FIRRM: variants seen among roughly 807,000 people sequenced by gnomAD.
FIRRM encodes FIGNL1-interacting regulator of recombination and mitosis.
the FIRRM span, chr1:169,852,080 T>C: frequency 8.8e-7 from 1 of 1,132,100 alleles, no homozygotes; most frequent in Non-Finnish European, 1.3e-6. Flanking sequence ...TTCTGTTTTA[T>C]GGTAGTTGCT....
the FIRRM span, among the ~76,000 whole-genome samples, chr1:169,791,880 ACT>A: frequency 3.3e-5 from 5 of 152,204 alleles, no homozygotes; most frequent in African/African-American, 1.2e-4. Flanking sequence ...TCAACAAAAC[ACT>A]TTCTCCTTTC....
the FIRRM span, among the ~76,000 whole-genome samples, chr1:169,791,013 T>C: frequency 6.6e-6 from 1 of 152,184 alleles, no homozygotes. Context: ...GCTAGATCCC[T>C]CACACATGCA....
chr1:169,822,094 T>C, the FIRRM span, among the ~76,000 whole-genome samples: 5 of 152,196 alleles, frequency 3.3e-5, no homozygotes, highest in Non-Finnish European at 7.3e-5. Flanking sequence ...AAACTTTGCT[T>C]CCCTACACAC....
At chr1:169,794,650 G>C in the FIRRM span, 2 of 162,348 alleles carry the variant, frequency 1.2e-5, no homozygotes, top group African/African-American at 4.8e-5. Context: ...GGGAGAGGCG[G>C]GTCACCCAGT....
At chr1:169,847,668 TC>T in the FIRRM span, 2 of 1,499,490 alleles carry the variant, frequency 1.3e-6, no homozygotes, top group Non-Finnish European at 1.9e-6. Flanking sequence ...TTATAACTGT[TC>T]TTTGGTCTTC....
chr1:169,807,648 G>A, the FIRRM span: 45 of 643,928 alleles, frequency 7.0e-5, no homozygotes, highest in African/African-American at 7.9e-4. Flanking sequence ...AGGTAAACTG[G>A]GCACATCTTA....
chr1:169,786,965 G>A, the FIRRM span, among the ~76,000 whole-genome samples: 1 of 152,188 alleles, frequency 6.6e-6, no homozygotes, highest in Non-Finnish European at 1.5e-5. Context: ...CCTGCTGGAG[G>A]TTTGAGAGCA....
the FIRRM span, chr1:169,847,914 G>GA: frequency 1.6e-6 from 1 of 612,702 alleles, no homozygotes; most frequent in Non-Finnish European, 2.8e-6. Context: ...TGACAAAGTT[G>GA]GAAAAAAAAA....
the FIRRM span, chr1:169,849,845 C>T: frequency 5.8e-6 from 3 of 517,586 alleles, no homozygotes; most frequent in East Asian, 3.3e-5. Flanking sequence ...AGCAGGCCTA[C>T]TGATACAGAC....
At chr1:169,793,550 G>A in the FIRRM span, 4 of 1,614,174 alleles carry the variant, frequency 2.5e-6, no homozygotes, top group Non-Finnish European at 3.4e-6. Flanking sequence ...TTGTTCTGCA[G>A]AACATTTTCT....
At chr1:169,842,458 T>C in the FIRRM span, 1 of 1,613,988 alleles carries the variant, frequency 6.2e-7, no homozygotes, top group African/African-American at 1.3e-5. Flanking sequence ...GTAATTCTGC[T>C]GGTGAAGCTT....
At chr1:169,851,767 T>G in the FIRRM span, 4 of 1,591,360 alleles carry the variant, frequency 2.5e-6, no homozygotes, top group South Asian at 4.6e-5. Context: ...TCATATCTAG[T>G]AGAGTGCTAA....
chr1:169,811,019 C>G, the FIRRM span, among the ~76,000 whole-genome samples: 3 of 151,206 alleles, frequency 2.0e-5, no homozygotes, highest in African/African-American at 7.3e-5. Context: ...GCCACCGCGC[C>G]CGGCTAATTT....
At chr1:169,792,996 T>TA in the FIRRM span, 1 of 1,614,122 alleles carries the variant, frequency 6.2e-7, no homozygotes, top group South Asian at 1.1e-5. Flanking sequence ...AAAGTGGAGT[T>TA]AGCTACTACA....
chr1:169,793,102 T>G, the FIRRM span: 21 of 1,614,076 alleles, frequency 1.3e-5, no homozygotes, highest in East Asian at 3.3e-4. Context: ...CTAGTAAACC[T>G]GATCCACAAC....
chr1:169,837,939 T>C, the FIRRM span, among the ~76,000 whole-genome samples: 162 of 152,282 alleles, frequency 1.1e-3, 2 homozygotes, highest in East Asian at 0.028. Flanking sequence ...ATCATAATTA[T>C]TATAATTTTT....
the FIRRM span, chr1:169,827,916 A>G: frequency 2.7e-6 from 4 of 1,500,222 alleles, no homozygotes; most frequent in African/African-American, 5.6e-5. Flanking sequence ...TCTTGAAATT[A>G]AGTTTGTGTG....
chr1:169,853,219 C>T, the FIRRM span: 8 of 535,336 alleles, frequency 1.5e-5, no homozygotes, highest in Admixed American at 3.3e-5. Flanking sequence ...GAACCATTTA[C>T]TCAGATAGTC....
the FIRRM span, chr1:169,847,715 T>A: frequency 6.2e-7 from 1 of 1,613,564 alleles, no homozygotes; most frequent in East Asian, 2.2e-5. Flanking sequence ...ACCTCGCTAC[T>A]TAAATTAGAG....
Sources: gnomAD v4.1 joint callset for allele counts (sites outside exome capture counted in the v4.1 genomes callset) on GRCh38, gnomAD v4.1.1 for gene constraint, MANE v1.5 for transcripts, NCBI Gene and HGNC (gene_info 2026-07-23, HGNC 2026-07-21) for gene names.